The following CCDC85A variants were observed in gnomAD, a reference collection of about 807,000 sequenced individuals.
The protein encoded by CCDC85A is coiled-coil domain-containing protein 85A.
CCDC85A carries 38 observed loss-of-function variants against 50.2 expected under a neutral mutation model. The ratio of observed to expected loss-of-function variants is 0.76; its 90% CI spans 0.58 to 0.99. The LOEUF is 0.99. Ranked by LOEUF, CCDC85A falls within the 50% of genes least tolerant of loss-of-function variation. CCDC85A has a pLI of 0.00. For missense variants in CCDC85A, 820 were observed against 742.0 expected (o/e 1.11, Z -1.22); for synonymous variants, 366 against 301.4 (o/e 1.21, Z -2.22).
At chr2:56,239,881 A>T (rs913104502) in intron 2 of CCDC85A, among the ~76,000 whole-genome samples, 1 of 152,048 alleles carries the variant, frequency 6.6e-6, no homozygotes, top group African/African-American at 2.4e-5. Flanking sequence ...TCTTTTTTCA[A>T]CTTGTCATTT....
At chr2:56,368,090 T>C (rs556142982) in intron 3 of CCDC85A, among the ~76,000 whole-genome samples, 1 of 152,288 alleles carries the variant, frequency 6.6e-6, no homozygotes, top group East Asian at 1.9e-4. Flanking sequence ...AATAGGTATC[T>C]ATATGGCATT....
chr2:56,326,380 T>A (rs1249544787), intron 2 of CCDC85A, among the ~76,000 whole-genome samples: 1 of 152,186 alleles, frequency 6.6e-6, no homozygotes. Context: ...AGCATTATTT[T>A]GTGTCATCTG....
intron 3 of CCDC85A, among the ~76,000 whole-genome samples, chr2:56,348,470 A>C (rs1674741242): frequency 6.6e-6 from 1 of 152,200 alleles, no homozygotes; most frequent in South Asian, 2.1e-4. Context: ...CACACAGAAG[A>C]GTCTAATTTT....
At chr2:56,323,782 A>G (rs1286986232) in intron 2 of CCDC85A, among the ~76,000 whole-genome samples, 1 of 152,088 alleles carries the variant, frequency 6.6e-6, no homozygotes, top group Non-Finnish European at 1.5e-5. Context: ...TTTTCACCAT[A>G]TGTATTAGGA....
At position 56,184,726 on chromosome 2, in the gene CCDC85A, GGACCT is replaced by G; in HGVS notation, c.104_108del (p.Asp35ValfsTer78). 6.5e-7 allele frequency: 1 copy of G among 1,538,890 alleles called. No homozygotes were observed. The highest frequency in any genetic ancestry group is 8.7e-7 in the Non-Finnish European group (1 of 1,144,290). On this transcript the variant is annotated frameshift_variant, in exon 1 of 6. Coordinates refer to ENST00000407595, the MANE Select transcript of CCDC85A (RefSeq NM_001080433.2). LOFTEE classifies it high-confidence loss of function. Reference sequence around the variant, plus strand: ...CCGCGGCCCCGCCCGCGCCGGTGGAGGACCTGTCCAAAGTGTCGGACGAGGAGCTG... The same window carrying G: ...CCGCGGCCCCGCCCGCGCCGGTGGAGGTCCAAAGTGTCGGACGAGGAGCTG...
At chr2:56,297,411 T>G (rs1672004050) in intron 2 of CCDC85A, among the ~76,000 whole-genome samples, 2 of 150,962 alleles carry the variant, frequency 1.3e-5, no homozygotes, top group African/African-American at 4.9e-5. Flanking sequence ...TTTTTTTTAA[T>G]TGTGTGACCT....
chr2:56,239,625 C>A (rs1669169317), intron 2 of CCDC85A, among the ~76,000 whole-genome samples: 1 of 152,060 alleles, frequency 6.6e-6, no homozygotes, highest in Non-Finnish European at 1.5e-5. Context: ...AACAGTGTTT[C>A]TGAGGGTGAG....
chr2:56,323,395 G>T (rs546937371), intron 2 of CCDC85A, among the ~76,000 whole-genome samples: 1 of 152,222 alleles, frequency 6.6e-6, no homozygotes. Context: ...CACTGCGAGA[G>T]TGAATGGGTT....
chr2:56,262,210 T>TA (rs1670248256), intron 2 of CCDC85A, among the ~76,000 whole-genome samples: 1 of 152,210 alleles, frequency 6.6e-6, no homozygotes, highest in Admixed American at 6.5e-5. Flanking sequence ...TGATTTTTTC[T>TA]ACTTAAGCCT....
At chr2:56,201,322 G>T (rs1030974854) in intron 2 of CCDC85A, among the ~76,000 whole-genome samples, 1 of 152,128 alleles carries the variant, frequency 6.6e-6, no homozygotes, top group South Asian at 2.1e-4. Context: ...TGCTGGTATG[G>T]TTGAGGGATA....
intron 2 of CCDC85A, among the ~76,000 whole-genome samples, chr2:56,330,609 T>C (rs1258722720): frequency 2.6e-5 from 4 of 152,176 alleles, no homozygotes; most frequent in Admixed American, 2.6e-4. Flanking sequence ...AGGCAAAGTT[T>C]CACCATATGG....
At chr2:56,325,408 A>G (rs1043441220) in intron 2 of CCDC85A, among the ~76,000 whole-genome samples, 3 of 152,110 alleles carry the variant, frequency 2.0e-5, no homozygotes, top group African/African-American at 7.2e-5. Context: ...ACAATGATGG[A>G]TTACTTTAAA....
chr2:56,329,877 T>G (rs1673678101), intron 2 of CCDC85A, among the ~76,000 whole-genome samples: 1 of 150,722 alleles, frequency 6.6e-6, no homozygotes, highest in East Asian at 1.9e-4. Flanking sequence ...GGCACGCTAA[T>G]TGTCCTAAGA....
chr2:56,262,652 C>A (rs921624575), intron 2 of CCDC85A, among the ~76,000 whole-genome samples: 2 of 152,164 alleles, frequency 1.3e-5, no homozygotes, highest in Non-Finnish European at 2.9e-5. Context: ...TAGCAAGTGG[C>A]AATTGTATTT....
Position 56,184,404 on chromosome 2 carries a change from G to A in CCDC85A, c.-221G>A, listed in dbSNP as rs1572989096. 2 of 517,276 alleles carry A rather than the reference G, an allele frequency of 3.9e-6. No homozygotes were observed. Among genetic ancestry groups the A allele is most frequent in the South Asian group, 9.8e-5 (1 of 10,216 alleles). 32.0% of individuals were successfully genotyped at this position (517,276 alleles called of 1,614,324 possible). Reference sequence around the variant, plus strand: ...CGGGCCTCGGCAGCAGCAAGCGGCTGGCTGCCGGGCCCTGGGGGAGCGCGG... The same window carrying A: ...CGGGCCTCGGCAGCAGCAAGCGGCTAGCTGCCGGGCCCTGGGGGAGCGCGG... On this transcript the variant is annotated 5_prime_UTR_variant, in exon 1 of 6. Transcript: ENST00000407595.
chr2:56,369,143 CACTT>C (rs759441972), intron 3 of CCDC85A, among the ~76,000 whole-genome samples: 2 of 152,134 alleles, frequency 1.3e-5, no homozygotes, highest in Non-Finnish European at 2.9e-5. Flanking sequence ...GGAACAGTAA[CACTT>C]AATTCACGCA....
intron 2 of CCDC85A, among the ~76,000 whole-genome samples, chr2:56,252,403 G>C (rs1669802266): frequency 6.6e-6 from 1 of 152,138 alleles, no homozygotes; most frequent in African/African-American, 2.4e-5. Flanking sequence ...CAATGACAGG[G>C]AAACTCAGCC....
chr2:56,313,590 T>C (rs934791731), intron 2 of CCDC85A, among the ~76,000 whole-genome samples: 1 of 152,180 alleles, frequency 6.6e-6, no homozygotes, highest in Non-Finnish European at 1.5e-5. Flanking sequence ...TTTGGAGCCC[T>C]GTATACTCAG....
intron 2 of CCDC85A, among the ~76,000 whole-genome samples, chr2:56,278,734 C>T (rs566121435): frequency 4.6e-5 from 7 of 152,114 alleles, no homozygotes; most frequent in South Asian, 4.2e-4. Context: ...CCACCACGCC[C>T]GGCTAATTTC....
Sources: allele counts gnomAD v4.1 joint callset (sites outside exome capture counted in the v4.1 genomes callset), GRCh38; gene constraint gnomAD v4.1.1; transcripts MANE v1.5; gene names NCBI Gene and HGNC (gene_info 2026-07-23, HGNC 2026-07-21).